The following PGR variants were observed in gnomAD, a reference collection of about 807,000 sequenced individuals.
The protein encoded by PGR is progesterone receptor.
Under a neutral mutation model 76.1 loss-of-function variants are expected in PGR, and 25 were observed. The ratio of observed to expected loss-of-function variants is 0.33; its 90% CI spans 0.24 to 0.46. The LOEUF (loss-of-function observed/expected upper bound fraction) is 0.46, where lower values mean the gene tolerates loss of function less well. PGR is among the 20% of genes least tolerant of loss of function. The probability of loss-of-function intolerance (pLI) is 1.00; values close to 1 mark genes in which losing one functional copy is unlikely to be tolerated. For synonymous variants in PGR, 579 were observed against 535.0 expected, an observed-to-expected ratio of 1.08 and a Z score of -1.14; for missense variants, 1,172 against 1,225.3, an observed-to-expected ratio of 0.96 and a Z score of 0.65.
chr11:101,039,764 T>C (rs1046708787), intron 7 of PGR, among the ~76,000 whole-genome samples: 4 of 151,996 alleles, frequency 2.6e-5, no homozygotes, highest in Non-Finnish European at 4.4e-5. Context: ...CACATGATTA[T>C]AAAAACAAAA....
intron 2 of PGR, among the ~76,000 whole-genome samples, chr11:101,095,036 A>G (rs2135461540): frequency 6.6e-6 from 1 of 152,308 alleles, no homozygotes. Flanking sequence ...AGCCTTTAGA[A>G]CCATCAGAAA....
At chr11:101,046,051 T>C (rs940039822) in intron 6 of PGR, among the ~76,000 whole-genome samples, 1 of 151,872 alleles carries the variant, frequency 6.6e-6, no homozygotes, top group African/African-American at 2.4e-5. Flanking sequence ...GAATGTAAAA[T>C]CATTTTTTCT....
At chr11:101,119,980 T>C (rs193135506) in intron 2 of PGR, among the ~76,000 whole-genome samples, 1 of 152,302 alleles carries the variant, frequency 6.6e-6, no homozygotes, top group African/African-American at 2.4e-5. Context: ...CAAGGATTAA[T>C]TGAGCTAATC....
intron 3 of PGR, among the ~76,000 whole-genome samples, chr11:101,086,080 C>A (rs1733524455): frequency 6.6e-6 from 1 of 152,100 alleles, no homozygotes; most frequent in Non-Finnish European, 1.5e-5. Context: ...AGGAAAGACT[C>A]CTCCCTAACT....
chr11:101,031,138 C>A lies in PGR; in HGVS notation c.*7978G>T, dbSNP rs892950542. 9.6e-6 allele frequency: 2 copies of A among 208,306 alleles called. No individual in the cohort carries two copies. Among genetic ancestry groups the A allele is most frequent in the Non-Finnish European group, 2.0e-5 (2 of 102,142 alleles). The allele number at this position is 208,306 out of a possible 1,614,324, so 12.9% of individuals were successfully genotyped here. A position where few individuals can be genotyped will look rare whatever the true frequency, so the allele number is the denominator to read the frequency against. ...ACAGCAGGGCCAGATGAGAAAAGAG[C>A]TGGGCCTATGAGGAATGTGCTAAGC... On this transcript the variant is annotated 3_prime_UTR_variant, in exon 8 of 8. Transcript: ENST00000325455.
At chr11:101,085,525 T>TAAAAA (rs1212568882) in intron 3 of PGR, among the ~76,000 whole-genome samples, 531 of 42,278 alleles carry the variant, frequency 0.013, 44 homozygotes, top group East Asian at 0.031. Flanking sequence ...CTAGAGGAAC[T>TAAAAA]AAAAAAAAAA....
At position 101,031,838 on chromosome 11, in the gene PGR, A is replaced by C. The variant is rs1269169907; in HGVS notation, c.*7278T>G. The C allele has an allele frequency of 1.7e-5, 4 of 228,950 alleles. No homozygotes were observed. Among genetic ancestry groups the C allele is most frequent in the African/African-American group, 8.9e-5 (4 of 45,152 alleles). 14.2% of individuals were successfully genotyped at this position (228,950 alleles called of 1,614,324 possible). On this transcript the variant is annotated 3_prime_UTR_variant, in exon 8 of 8. Coordinates refer to ENST00000325455, the MANE Select transcript of PGR (RefSeq NM_000926.4). ...CTATGAGTTAGGTGAATTCCTCTCG[A>C]GGTTCCAAGAATCTATACAAAGAAT...
At position 101,051,471 on chromosome 11, in the gene PGR, G is replaced by T; in HGVS notation, c.2310C>A (p.His770Gln). The T allele has an allele frequency of 6.2e-7, 1 of 1,607,876 alleles. No homozygotes were observed. The highest frequency in any genetic ancestry group is 8.5e-7 in the Non-Finnish European group (1 of 1,174,804). Residue 770 changes from histidine (H) to glutamine (Q), a missense_variant, in exon 5 of 8, where the codon CAC becomes CAA. His to Gln is a conservative substitution (Grantham distance 24). Around this residue, in one of 4 missense-constraint regions of PGR, gnomAD observed 166 missense variants for 296.0 expected, o/e 0.56. Coordinates refer to ENST00000325455, the MANE Select transcript of PGR (RefSeq NM_000926.4). ...VFGLGWRSYK[H>Q]VSGQMLYFAP... ...CAAAATACAGCATCTGCCCACTGAC[G>T]TGTTTGTAGGATCTCCATCCTAGAC...
chr11:101,105,645 A>G (rs892399048), intron 2 of PGR, among the ~76,000 whole-genome samples: 1 of 152,134 alleles, frequency 6.6e-6, no homozygotes, highest in Admixed American at 6.5e-5. Flanking sequence ...GAAAATGGCC[A>G]TACTGCCCAA....
At chr11:101,092,209 T>A (rs1861697033) in intron 2 of PGR, among the ~76,000 whole-genome samples, 1 of 152,246 alleles carries the variant, frequency 6.6e-6, no homozygotes, top group East Asian at 1.9e-4. Context: ...ACGTTTCTGA[T>A]AAGCATTAGT....
chr11:101,058,013 CACA>C (rs2135404340), intron 4 of PGR, among the ~76,000 whole-genome samples: 1 of 152,214 alleles, frequency 6.6e-6, no homozygotes, highest in Admixed American at 6.5e-5. Flanking sequence ...GAACCCAGAA[CACA>C]AACAAATTTA....
intron 2 of PGR, among the ~76,000 whole-genome samples, chr11:101,112,048 T>C (rs1862361275): frequency 1.3e-5 from 2 of 152,170 alleles, no homozygotes; most frequent in South Asian, 4.1e-4. Flanking sequence ...AGTGATCAAT[T>C]GTCAAATGCT....
chr11:101,113,626 C>T (rs965083953), intron 2 of PGR, among the ~76,000 whole-genome samples: 1 of 152,092 alleles, frequency 6.6e-6, no homozygotes. Context: ...GAAAGGTCAG[C>T]AATCTGAAAT....
At chr11:101,111,999 C>G (rs78149394) in intron 2 of PGR, among the ~76,000 whole-genome samples, 1 of 152,190 alleles carries the variant, frequency 6.6e-6, no homozygotes, top group African/African-American at 2.4e-5. Flanking sequence ...AGGGTCGTGT[C>G]TTGAAAACCA....
chr11:101,053,940 G>T (rs1860197046), intron 4 of PGR, among the ~76,000 whole-genome samples: 1 of 152,000 alleles, frequency 6.6e-6, no homozygotes, highest in Non-Finnish European at 1.5e-5. Context: ...CCTTCTTTGG[G>T]CTTGGGGCAT....
chr11:101,103,228 C>T (rs12286055), intron 2 of PGR, among the ~76,000 whole-genome samples: 2,945 of 152,044 alleles, frequency 0.019, 76 homozygotes, highest in African/African-American at 0.068. Flanking sequence ...AGGTTGGGGA[C>T]CCCTGCCCTA....
At chr11:101,111,954 C>T (rs1862358117) in intron 2 of PGR, among the ~76,000 whole-genome samples, 1 of 152,120 alleles carries the variant, frequency 6.6e-6, no homozygotes, top group Non-Finnish European at 1.5e-5. Context: ...AGGAGAAGAA[C>T]AGTTTGAAGG....
At chr11:101,049,525 G>A (rs1860018355) in intron 6 of PGR, among the ~76,000 whole-genome samples, 1 of 152,042 alleles carries the variant, frequency 6.6e-6, no homozygotes, top group Non-Finnish European at 1.5e-5. Context: ...ATTGTGCTAT[G>A]ATGTTATGGT....
At position 101,029,896 on chromosome 11, in the gene PGR, C is replaced by A. The variant is rs1289472889; in HGVS notation, c.*9220G>T. 1 of 224,104 alleles carries A rather than the reference C, an allele frequency of 4.5e-6. No individual in the cohort carries two copies. Among genetic ancestry groups the A allele is most frequent in the East Asian group, 6.5e-5 (1 of 15,456 alleles). 13.9% of individuals were successfully genotyped at this position (224,104 alleles called of 1,614,324 possible). On this transcript the variant is annotated 3_prime_UTR_variant, in exon 8 of 8. Coordinates refer to ENST00000325455, the MANE Select transcript of PGR (RefSeq NM_000926.4). Reference sequence around the variant, plus strand: ...TGATGATATTAGGTGCCCACTAGCACCTAGTTTTTACAGCTTTGCATTGTC... The same window carrying A: ...TGATGATATTAGGTGCCCACTAGCAACTAGTTTTTACAGCTTTGCATTGTC...
Sources: gnomAD v4.1 joint callset for allele counts (sites outside exome capture counted in the v4.1 genomes callset) on GRCh38, gnomAD v4.1.1 for gene constraint, gnomAD v4.1.1 regional missense constraint, MANE v1.5 for transcripts, NCBI Gene and HGNC (gene_info 2026-07-23, HGNC 2026-07-21) for gene names.